LRIG1: variants seen among roughly 807,000 people sequenced by gnomAD.
The protein encoded by LRIG1 is leucine rich repeats and immunoglobulin like domains 1, also known as leucine-rich repeats and immunoglobulin-like domains protein 1.
Under a neutral mutation model 99.2 loss-of-function variants are expected in LRIG1, and 48 were observed. That is an observed-to-expected ratio of 0.48 (90% CI 0.38 to 0.62). The LOEUF is 0.62. Among genes scored for constraint, LRIG1 ranks in the 20% least tolerant of loss-of-function variants. The pLI, the probability that LRIG1 is intolerant of heterozygous loss-of-function variation, is 0.00. For synonymous variants in LRIG1, 772 were observed against 596.1 expected, an observed-to-expected ratio of 1.29 and a Z score of -4.30; for missense variants, 1,646 against 1,434.4, an observed-to-expected ratio of 1.15 and a Z score of -2.38.
intron 3 of LRIG1, among the ~76,000 whole-genome samples, chr3:66,444,590 T>C (rs1215541134): frequency 6.6e-6 from 1 of 152,196 alleles, no homozygotes; most frequent in African/African-American, 2.4e-5. Context: ...CCAGCAGCAG[T>C]GGCATCATCA....
chr3:66,392,341 T>C (rs1385474813), intron 12 of LRIG1, among the ~76,000 whole-genome samples: 1 of 152,228 alleles, frequency 6.6e-6, no homozygotes, highest in Non-Finnish European at 1.5e-5. Flanking sequence ...ATGTCGTAAC[T>C]GGATGTTGAA....
chr3:66,383,957 C>CACACAT lies in LRIG1; in HGVS notation c.2071+33_2071+34insATGTGT, dbSNP rs769192352. Reference sequence around the variant, plus strand: ...AGTCTCTCTCTCTCGCTCACACACACACACACACACACACAGTAGAGCAAT... The same window carrying CACACAT: ...AGTCTCTCTCTCTCGCTCACACACACACACATACACACACACACACAGTAGAGCAAT... On this transcript the variant is annotated intron_variant, in intron 14 of 18. Coordinates refer to ENST00000273261, the MANE Select transcript of LRIG1 (RefSeq NM_015541.3). 4 of 1,599,964 alleles carry CACACAT rather than the reference C, an allele frequency of 2.5e-6. No homozygotes were observed. In the South Asian group the frequency reaches 3.3e-5, roughly 13 times the overall value.
chr3:66,385,932 G>A, intron 13 of LRIG1, 49 bp downstream of exon 13: 3 of 1,519,704 alleles, frequency 2.0e-6, no homozygotes, highest in South Asian at 1.2e-5. Flanking sequence ...GCAATCAGGA[G>A]TGTGCTTTGT....
At chr3:66,458,539 T>TA (rs1473077860) in intron 2 of LRIG1, among the ~76,000 whole-genome samples, 1 of 151,422 alleles carries the variant, frequency 6.6e-6, no homozygotes, top group African/African-American at 2.4e-5. Flanking sequence ...CCATCTCTAC[T>TA]AAAAATACAA....
At chr3:66,389,100 CTG>C (rs1196995934) in intron 12 of LRIG1, among the ~76,000 whole-genome samples, 1 of 152,060 alleles carries the variant, frequency 6.6e-6, no homozygotes. Flanking sequence ...AGGAATAAAA[CTG>C]GATCTTAATA....
chr3:66,480,301 G>A (rs1391023667), intron 1 of LRIG1, among the ~76,000 whole-genome samples: 2 of 152,132 alleles, frequency 1.3e-5, no homozygotes, highest in Non-Finnish European at 2.9e-5. Context: ...GGGGATGGGA[G>A]GAAGGAAGGA....
intron 1 of LRIG1, among the ~76,000 whole-genome samples, chr3:66,475,621 T>C: frequency 6.6e-6 from 1 of 152,378 alleles, no homozygotes; most frequent in Non-Finnish European, 1.5e-5. Context: ...CTGCGTTTAC[T>C]TGTGGCAAAG....
At chr3:66,480,080 T>C (rs1356587316) in intron 1 of LRIG1, among the ~76,000 whole-genome samples, 1 of 151,972 alleles carries the variant, frequency 6.6e-6, no homozygotes, top group Non-Finnish European at 1.5e-5. Flanking sequence ...AACTGATGAG[T>C]GGATAAAGAA....
intron 9 of LRIG1, among the ~76,000 whole-genome samples, chr3:66,404,600 A>C (rs1041138216): frequency 6.6e-6 from 1 of 152,154 alleles, no homozygotes; most frequent in Non-Finnish European, 1.5e-5. Flanking sequence ...TCCTCAACTA[A>C]TAAAGAGGTT....
At chr3:66,416,890 C>G (rs1290946560) in intron 4 of LRIG1, among the ~76,000 whole-genome samples, 1 of 152,256 alleles carries the variant, frequency 6.6e-6, no homozygotes, top group Non-Finnish European at 1.5e-5. Flanking sequence ...TCCTTCCTGC[C>G]TCTGTCCCTT....
intron 12 of LRIG1, among the ~76,000 whole-genome samples, chr3:66,388,552 T>C (rs185936181): frequency 1.4e-4 from 22 of 152,118 alleles, no homozygotes; most frequent in African/African-American, 4.6e-4. Flanking sequence ...CAAACGCAGA[T>C]TCATCATAGT....
chr3:66,496,640 T>C (rs1701233979), intron 1 of LRIG1, among the ~76,000 whole-genome samples: 1 of 152,222 alleles, frequency 6.6e-6, no homozygotes, highest in African/African-American at 2.4e-5. Context: ...GGTTCTTCCC[T>C]GTCCCACAAA....
intron 2 of LRIG1, among the ~76,000 whole-genome samples, chr3:66,452,212 T>G (rs1244251385): frequency 6.6e-6 from 1 of 152,074 alleles, no homozygotes; most frequent in African/African-American, 2.4e-5. Flanking sequence ...CCCAGGAAAA[T>G]GAACATATAT....
At chr3:66,406,387 T>C in intron 8 of LRIG1, 1 of 985,474 alleles carries the variant, frequency 1.0e-6, no homozygotes, top group South Asian at 4.7e-5. Flanking sequence ...TCAGTCTGAA[T>C]GTTCCCAGCC....
chr3:66,386,482 A>G, intron 12 of LRIG1, 181 bp from the exon 13 acceptor site: 1 of 600,890 alleles, frequency 1.7e-6, no homozygotes, highest in Non-Finnish European at 3.0e-6. Flanking sequence ...ATCTGACCTC[A>G]TCTAATTAGA....
In LRIG1 at chr3:66,500,212, G is replaced by A. The variant is rs1395448634; in HGVS notation, c.196C>T (p.Leu66=). Residue 66 remains leucine (L), a synonymous_variant, in exon 1 of 19, where the codon CTG becomes TTG. Transcript: ENST00000273261. ...GRGLAALPGD[L]PSWTRSLNLS... Reference sequence around the variant, plus strand: ...CACAGGCTCCGCGTCCAGGAGGGCAGGTCCCCGGGCAACGCAGCCAGCCCG... The same window carrying A: ...CACAGGCTCCGCGTCCAGGAGGGCAAGTCCCCGGGCAACGCAGCCAGCCCG... The A allele has an allele frequency of 1.3e-6, 2 of 1,514,986 alleles. No homozygotes were observed. The highest frequency in any genetic ancestry group is 1.8e-6 in the Non-Finnish European group (2 of 1,138,236). 93.8% of individuals were successfully genotyped at this position (1,514,986 alleles called of 1,614,324 possible).
chr3:66,430,375 C>G (rs1391245234), intron 3 of LRIG1, among the ~76,000 whole-genome samples: 2 of 152,214 alleles, frequency 1.3e-5, no homozygotes, highest in Admixed American at 6.5e-5. Context: ...GGGTTACTTA[C>G]GCATTTCCCA....
chr3:66,470,234 C>T (rs1700566583), intron 1 of LRIG1, among the ~76,000 whole-genome samples: 1 of 152,208 alleles, frequency 6.6e-6, no homozygotes, highest in South Asian at 2.1e-4. Flanking sequence ...CCTCTTTATT[C>T]ACCGGCAGTA....
chr3:66,499,154 C>G (rs941027237), intron 1 of LRIG1, among the ~76,000 whole-genome samples: 3 of 152,222 alleles, frequency 2.0e-5, no homozygotes, highest in Non-Finnish European at 4.4e-5. Flanking sequence ...TTGACTCATG[C>G]ACCAGATTTG....
Sources: gnomAD v4.1 joint callset for allele counts (sites outside exome capture counted in the v4.1 genomes callset) on GRCh38, gnomAD v4.1.1 for gene constraint, MANE v1.5 for transcripts, NCBI Gene and HGNC (gene_info 2026-07-23, HGNC 2026-07-21) for gene names.